GUCY2C: variants seen among roughly 807,000 people sequenced by gnomAD.
GUCY2C encodes the protein guanylate cyclase 2C.
A neutral mutation model predicts 131.1 loss-of-function variants in GUCY2C; 118 were observed. That is an observed-to-expected ratio of 0.90 (90% CI 0.78 to 1.05). GUCY2C has a LOEUF of 1.05. Ranked by LOEUF, GUCY2C falls within the 50% of genes least tolerant of loss-of-function variation. GUCY2C has a pLI of 0.00. For missense variants in GUCY2C, 1,161 were observed against 1,304.4 expected, an observed-to-expected ratio of 0.89 and a Z score of 1.69; for synonymous variants, 452 against 457.8, an observed-to-expected ratio of 0.99 and a Z score of 0.16.
chr12:14,637,563 C>T (rs1363909298), intron 19 of GUCY2C, among the ~76,000 whole-genome samples: 1 of 152,156 alleles, frequency 6.6e-6, no homozygotes, highest in Non-Finnish European at 1.5e-5. Context: ...GTAACCAAAA[C>T]AACCTGTTAC....
At chr12:14,651,367 T>G in intron 15 of GUCY2C, 40 bp downstream of exon 15, 1 of 963,244 alleles carries the variant, frequency 1.0e-6, no homozygotes, top group Non-Finnish European at 1.7e-6. Context: ...CTGAATATTT[T>G]TATATGATTA....
chr12:14,640,887 T>A (rs1947386997), intron 18 of GUCY2C, among the ~76,000 whole-genome samples, 195 bp downstream of exon 18: 1 of 152,350 alleles, frequency 6.6e-6, no homozygotes, highest in African/African-American at 2.4e-5. Context: ...CAGTGTATGT[T>A]GTCTTATGCT....
At chr12:14,682,690 G>A (rs1038834172) in intron 4 of GUCY2C, among the ~76,000 whole-genome samples, 1 of 152,102 alleles carries the variant, frequency 6.6e-6, no homozygotes, top group Non-Finnish European at 1.5e-5. Flanking sequence ...TTCTTACACA[G>A]GAATGTGAAA....
rs1948065996 is a variant in GUCY2C, at chr12:14,669,773, G to C, written c.1231C>G (p.Pro411Ala). The C allele has an allele frequency of 6.2e-7, 1 of 1,607,156 alleles. No individual in the cohort carries two copies. The highest frequency in any genetic ancestry group is 8.5e-7 in the Non-Finnish European group (1 of 1,174,784). The part of the protein sequence containing the change: ...VNKTYPVDMS[P>A]TFTWKNSKLP... The stretch of plus-strand genomic sequence containing the variant: ...TTAGAGTTCTTCCAAGTGAATGTGG[G>C]GCTCATATCCACAGGATAGGTCTTA... Residue 411 changes from proline to alanine, a missense_variant, in exon 10 of 27, where the codon CCC becomes GCC. By Grantham distance (27) the Pro-to-Ala change is conservative (BLOSUM62 -1). Transcript: ENST00000261170.
At chr12:14,678,930 G>A (rs1040842203) in intron 6 of GUCY2C, among the ~76,000 whole-genome samples, 2 of 152,120 alleles carry the variant, frequency 1.3e-5, no homozygotes, top group African/African-American at 4.8e-5. Flanking sequence ...TGCTCTCTAC[G>A]CTCCAGCATT....
chr12:14,625,818 T>A lies in GUCY2C; in HGVS notation c.2347A>T (p.Thr783Ser). The A allele has an allele frequency of 6.2e-7, 1 of 1,613,616 alleles. No homozygotes were observed. Among genetic ancestry groups the A allele is most frequent in the Non-Finnish European group, 8.5e-7 (1 of 1,179,528 alleles). ...TCCCTCTCTGCCTTGTACAGCTGTG[T>A]CCTTTCCTCTACCAGATGTTCCAGG... The part of the protein sequence containing the change: ...RNLEHLVEER[T>S]QLYKAERDRA... Residue 783 changes from threonine (T) to serine (S), a missense_variant, in exon 21 of 27, where the codon ACA becomes TCA. By Grantham distance (58) the Thr-to-Ser change is moderately conservative. Transcript: ENST00000261170.
intron 19 of GUCY2C, among the ~76,000 whole-genome samples, 161 bp downstream of exon 19, chr12:14,639,701 C>T (rs557200647): frequency 3.0e-4 from 46 of 152,276 alleles, no homozygotes; most frequent in African/African-American, 1.0e-3. Context: ...AATGGATTAG[C>T]CCCTTAGCTC....
At position 14,641,127 on chromosome 12, in the gene GUCY2C, G is replaced by A. The variant is rs754440388; in HGVS notation, c.2023C>T (p.Leu675=). Residue 675 remains leucine, a synonymous_variant, in exon 18 of 27, where the codon CTG becomes TTG. Transcript: ENST00000261170. The part of the protein sequence containing the change: ...SYGIIAQEII[L]RKETFYTLSC... ...AAAGTGTAGAAGGTTTCTTTCCGCA[G>A]GATGATCTCCTGTGCGATGATCCCA... The A allele has an allele frequency of 3.7e-6, 6 of 1,613,646 alleles. No individual in the cohort carries two copies. The African/African-American group carries it at 8.0e-5, about 22-fold the overall frequency.
chr12:14,618,112 T>C (rs1174390887), intron 24 of GUCY2C, among the ~76,000 whole-genome samples: 2 of 152,248 alleles, frequency 1.3e-5, no homozygotes, highest in Non-Finnish European at 2.9e-5. Context: ...TCAATATTTA[T>C]TGAGCATCTA....
intron 1 of GUCY2C, among the ~76,000 whole-genome samples, chr12:14,695,513 A>G (rs933682144): frequency 1.3e-5 from 2 of 149,060 alleles, no homozygotes; most frequent in African/African-American, 2.5e-5. Flanking sequence ...AGGCAGGAGA[A>G]TGGCGTGAAC....
chr12:14,671,866 G>A (rs572947909), intron 9 of GUCY2C, among the ~76,000 whole-genome samples: 18 of 152,212 alleles, frequency 1.2e-4, no homozygotes, highest in Non-Finnish European at 2.2e-4. Flanking sequence ...GAATGTATGC[G>A]AAACATAACA....
At chr12:14,664,802 G>A (rs1947937645) in intron 10 of GUCY2C, among the ~76,000 whole-genome samples, 1 of 152,162 alleles carries the variant, frequency 6.6e-6, no homozygotes, top group African/African-American at 2.4e-5. Flanking sequence ...GAGTATAGAT[G>A]AGTGCTGGAG....
intron 4 of GUCY2C, 89 bp downstream of exon 4, chr12:14,682,953 G>A (rs1948378081): frequency 1.3e-6 from 1 of 793,924 alleles, no homozygotes; most frequent in East Asian, 2.6e-5. Context: ...ACCAGTGGAA[G>A]GTGCATCTGG....
chr12:14,633,339 A>C (rs1402169880), intron 19 of GUCY2C, among the ~76,000 whole-genome samples: 1 of 152,328 alleles, frequency 6.6e-6, no homozygotes, highest in East Asian at 1.9e-4. Context: ...TAGAGACTAC[A>C]CTACTGCATG....
chr12:14,645,270 C>T lies in GUCY2C; in HGVS notation c.1756G>A (p.Asp586Asn), dbSNP rs773167536. ...AAGACAGAGATCTTAAACTCCCAAT[C>T]CATGAATGTGCCATCAGGGTAGGAA... ...TISYPDGTFMDWEFKISVLYD... is the reference protein window; with the variant it reads ...TISYPDGTFMNWEFKISVLYD... The change falls in exon 16 of 27, where the codon GAT (aspartate) becomes AAT (asparagine). Residue 586 changes from aspartate to asparagine, a missense_variant. Physicochemically the swap from Asp to Asn is conservative, Grantham distance 23 (BLOSUM62 1). Coordinates refer to ENST00000261170, the MANE Select transcript of GUCY2C (RefSeq NM_004963.4). The T allele has an allele frequency of 4.4e-6, 7 of 1,597,546 alleles. No homozygotes were observed. The highest frequency in any genetic ancestry group is 4.3e-6 in the Non-Finnish European group (5 of 1,165,454).
At chr12:14,682,165 G>A (rs1413403094) in intron 4 of GUCY2C, among the ~76,000 whole-genome samples, 3 of 152,080 alleles carry the variant, frequency 2.0e-5, no homozygotes, top group Non-Finnish European at 4.4e-5. Flanking sequence ...TTTTATTTTA[G>A]TAATGATACC....
intron 25 of GUCY2C, among the ~76,000 whole-genome samples, chr12:14,615,719 C>A (rs1171260017): frequency 6.6e-6 from 1 of 151,354 alleles, no homozygotes. Context: ...CATAGCAATC[C>A]ATAAACTGGT....
At chr12:14,639,810 T>C in intron 19 of GUCY2C, 52 bp downstream of exon 19, 3 of 1,112,492 alleles carry the variant, frequency 2.7e-6, no homozygotes, top group Non-Finnish European at 4.1e-6. Flanking sequence ...CCATTACATT[T>C]ATGGTAATTT....
rs1324691955 is a variant in GUCY2C, at chr12:14,688,057, T to G, written c.224A>C (p.Asn75Thr). 1.2e-6 allele frequency: 2 copies of G among 1,600,256 alleles called. No individual in the cohort carries two copies. Among genetic ancestry groups the G allele is most frequent in the African/African-American group, 2.7e-5 (2 of 74,658 alleles). The change falls in exon 2 of 27, where the codon AAT becomes ACT. Residue 75 changes from asparagine to threonine, a missense_variant. By Grantham distance (65) the Asn-to-Thr change is moderately conservative. Transcript: ENST00000261170. ...CATGAAAGTAGCGTTCACAGTCACA[T>G]TTAGGCCTGTCGCCCAGAGATGAGG... The part of the protein sequence containing the change: ...VRGRLQNAGL[N>T]VTVNATFMYS...
Sources: allele counts gnomAD v4.1 joint callset (sites outside exome capture counted in the v4.1 genomes callset), GRCh38; gene constraint gnomAD v4.1.1; transcripts MANE v1.5; gene names NCBI Gene and HGNC (gene_info 2026-07-23, HGNC 2026-07-21).